LRRC37A2: variants seen among roughly 807,000 people sequenced by gnomAD.
The protein encoded by LRRC37A2 is leucine rich repeat containing 37 member A2, also known as leucine-rich repeat-containing protein 37A2.
Under a neutral mutation model 68.8 loss-of-function variants are expected in LRRC37A2, and 9 were observed. The observed-to-expected ratio is 0.13, with a 90% CI of 0.08 to 0.23. LRRC37A2 has a LOEUF of 0.23. Ranked by LOEUF, LRRC37A2 falls within the 10% of genes least tolerant of loss-of-function variation. LRRC37A2 has a pLI of 1.00. For synonymous variants in LRRC37A2, 63 were observed against 367.6 expected (o/e 0.17, Z 9.48); for missense variants, 168 against 950.4 (o/e 0.18, Z 10.82).
chr17:46,727,863 A>G, the LRRC37A2 span, among the ~76,000 whole-genome samples: 1 of 152,222 alleles, frequency 6.6e-6, no homozygotes, highest in African/African-American at 2.4e-5. Flanking sequence ...TTTATTCAAT[A>G]AGCACTTGCT....
chr17:46,910,056 A>G, the LRRC37A2 span: 96,713 of 153,774 alleles, frequency 0.63, 30,749 homozygotes, highest in Non-Finnish European at 0.67. Flanking sequence ...GAGAGGCAGC[A>G]TAGAGTAGGA....
the LRRC37A2 span, among the ~76,000 whole-genome samples, chr17:47,041,248 TA>T: frequency 3.1e-4 from 1 of 3,238 alleles, no homozygotes; most frequent in Non-Finnish European, 4.5e-4. Flanking sequence ...ACTACTGAGC[TA>T]GAGAGTGAGG....
At chr17:46,961,814 T>G in the LRRC37A2 span, among the ~76,000 whole-genome samples, 2 of 152,178 alleles carry the variant, frequency 1.3e-5, no homozygotes, top group African/African-American at 4.8e-5. Context: ...TGTACACCCT[T>G]TATCTAATGC....
the LRRC37A2 span, among the ~76,000 whole-genome samples, chr17:46,722,375 G>A: frequency 3.3e-5 from 5 of 152,238 alleles, no homozygotes; most frequent in Non-Finnish European, 5.9e-5. Flanking sequence ...GTGACCTGCT[G>A]TGTGCTATAA....
the LRRC37A2 span, among the ~76,000 whole-genome samples, chr17:46,839,299 C>G: frequency 6.6e-6 from 1 of 152,256 alleles, no homozygotes; most frequent in Admixed American, 6.5e-5. Context: ...CCAGCATACA[C>G]TCTGTCCTTG....
chr17:47,012,918 G>A, the LRRC37A2 span, among the ~76,000 whole-genome samples: 7 of 152,110 alleles, frequency 4.6e-5, no homozygotes, highest in Non-Finnish European at 1.0e-4. Flanking sequence ...GAATGTCCAT[G>A]GCAGCATTAT....
chr17:46,935,505 G>A, the LRRC37A2 span: 55 of 1,316,890 alleles, frequency 4.2e-5, no homozygotes, highest in Non-Finnish European at 5.2e-5. Flanking sequence ...ACTCTTGGAA[G>A]AATGAAGACG....
chr17:46,899,205 T>C, the LRRC37A2 span, among the ~76,000 whole-genome samples: 1 of 152,010 alleles, frequency 6.6e-6, no homozygotes, highest in East Asian at 1.9e-4. Context: ...GCCTGGCCAG[T>C]GTGGCGAAAA....
the LRRC37A2 span, among the ~76,000 whole-genome samples, chr17:46,848,907 C>A: frequency 6.6e-6 from 1 of 151,010 alleles, no homozygotes; most frequent in Non-Finnish European, 1.5e-5. Flanking sequence ...AGATTGTGAG[C>A]CAGGCCCGGC....
chr17:46,874,176 C>T, the LRRC37A2 span, among the ~76,000 whole-genome samples: 1 of 151,884 alleles, frequency 6.6e-6, no homozygotes, highest in Admixed American at 6.6e-5. Context: ...CAGGTTTGGG[C>T]CACACCCAGC....
the LRRC37A2 span, among the ~76,000 whole-genome samples, chr17:46,453,957 C>T: frequency 1.8e-5 from 1 of 55,330 alleles, no homozygotes; most frequent in Non-Finnish European, 3.3e-5. Context: ...TATATTCTAT[C>T]GTTTCACATA....
chr17:46,708,141 C>T, the LRRC37A2 span, among the ~76,000 whole-genome samples: 2 of 152,012 alleles, frequency 1.3e-5, no homozygotes, highest in African/African-American at 2.4e-5. Flanking sequence ...TTGAGTAATG[C>T]TGTCATTAGC....
chr17:46,780,633 G>A, the LRRC37A2 span, among the ~76,000 whole-genome samples: 3 of 152,144 alleles, frequency 2.0e-5, no homozygotes, highest in African/African-American at 4.8e-5. Context: ...AAAATTAGCC[G>A]GGCGTGGTGG....
chr17:47,018,473 AG>A, the LRRC37A2 span: 1 of 1,530,648 alleles, frequency 6.5e-7, no homozygotes, highest in Non-Finnish European at 9.0e-7. Flanking sequence ...AGCCTAGTGC[AG>A]AGGTGGGAAA....
At chr17:46,502,690 A>G in the LRRC37A2 span, among the ~76,000 whole-genome samples, 1 of 151,324 alleles carries the variant, frequency 6.6e-6, no homozygotes, top group Non-Finnish European at 1.5e-5. Context: ...ATGTTTTAAA[A>G]TCAAGGAAAG....
chr17:46,730,137 T>C, the LRRC37A2 span, among the ~76,000 whole-genome samples: 2 of 152,176 alleles, frequency 1.3e-5, no homozygotes, highest in South Asian at 4.2e-4. Flanking sequence ...TCCTCCAATG[T>C]TTTCATAAAT....
At chr17:46,927,326 ATTTG>A in the LRRC37A2 span, among the ~76,000 whole-genome samples, 3 of 151,912 alleles carry the variant, frequency 2.0e-5, no homozygotes, top group African/African-American at 7.3e-5. Flanking sequence ...TGTGCCATTC[ATTTG>A]TTTATTTTGT....
the LRRC37A2 span, among the ~76,000 whole-genome samples, chr17:46,875,784 G>A: frequency 1.3e-5 from 2 of 152,248 alleles, no homozygotes; most frequent in African/African-American, 2.4e-5. Context: ...GAAGATGGAA[G>A]TGGCCCAGAG....
the LRRC37A2 span, among the ~76,000 whole-genome samples, chr17:46,983,499 T>C: frequency 2.0e-5 from 3 of 151,978 alleles, no homozygotes; most frequent in African/African-American, 7.3e-5. Context: ...TTCACCATGT[T>C]GGCCAGCTGG....
Sources: gnomAD v4.1 joint callset for allele counts (sites outside exome capture counted in the v4.1 genomes callset) on GRCh38, gnomAD v4.1.1 for gene constraint, MANE v1.5 for transcripts, NCBI Gene and HGNC (gene_info 2026-07-23, HGNC 2026-07-21) for gene names.